The following CFAP54 variants were observed in gnomAD, a reference collection of about 807,000 sequenced individuals.
The protein encoded by CFAP54 is cilia and flagella associated protein 54.
Under a neutral mutation model 370.4 loss-of-function variants are expected in CFAP54, and 290 were observed. The observed-to-expected ratio is 0.78, with a 90% confidence interval of 0.71 to 0.86. The LOEUF (loss-of-function observed/expected upper bound fraction) is 0.86, where lower values mean the gene tolerates loss of function less well. Among genes scored for constraint, CFAP54 ranks in the 40% least tolerant of loss-of-function variants. CFAP54 has a pLI of 0.00. For synonymous variants in CFAP54, 1,206 were observed against 1,236.5 expected (o/e 0.98, Z 0.52); for missense variants, 3,399 against 3,528.7 (o/e 0.96, Z 0.93).
At chr12:96,514,922 C>T (rs1955213612) in intron 5 of CFAP54, among the ~76,000 whole-genome samples, 1 of 151,728 alleles carries the variant, frequency 6.6e-6, no homozygotes, top group Admixed American at 6.6e-5. Flanking sequence ...GCACAGGGTA[C>T]ATAAATTTTG....
At chr12:96,848,989 C>A (rs1229726898) in intron 66 of CFAP54, among the ~76,000 whole-genome samples, 2 of 152,126 alleles carry the variant, frequency 1.3e-5, no homozygotes, top group African/African-American at 4.8e-5. Flanking sequence ...ACAGTGAAAG[C>A]AAATATATCT....
intron 39 of CFAP54, among the ~76,000 whole-genome samples, chr12:96,664,622 ATGTGTG>A (rs55839375): frequency 0.31 from 35,703 of 113,920 alleles, 4,967 homozygotes; most frequent in Middle Eastern, 0.35. Context: ...CCAAGAACGT[ATGTGTG>A]TGTGTGTGTG....
chr12:96,802,848 G>T (rs1214984888), intron 63 of CFAP54, among the ~76,000 whole-genome samples: 2 of 151,938 alleles, frequency 1.3e-5, no homozygotes. Flanking sequence ...CCACCGACAG[G>T]CCCCAGTGTG....
intron 17 of CFAP54, among the ~76,000 whole-genome samples, chr12:96,561,031 A>G (rs1592851611): frequency 6.6e-6 from 1 of 152,242 alleles, no homozygotes; most frequent in East Asian, 1.9e-4. Flanking sequence ...TTTTAAAGTC[A>G]CTTGCCATCA....
chr12:96,601,401 A>G lies in CFAP54; in HGVS notation c.3639+2634A>G, dbSNP rs116647792. 3.0e-3 allele frequency among the ~76,000 whole-genome samples: 460 copies of G among 152,336 alleles called. 4 individuals are homozygous for G. Among genetic ancestry groups the G allele is most frequent in the African/African-American group, 0.01 (421 of 41,576 alleles). Reference sequence around the variant, plus strand: ...TTTCACATCGATGTTCATCAGGGATAATGGCCTGAAATTCTCTTTTTTGTT... The same window carrying G: ...TTTCACATCGATGTTCATCAGGGATGATGGCCTGAAATTCTCTTTTTTGTT... On this transcript the variant is annotated intron_variant, in intron 26 of 67. Transcript: ENST00000524981.
chr12:96,664,706 T>G (rs868557649), intron 39 of CFAP54, among the ~76,000 whole-genome samples: 1 of 5,626 alleles, frequency 1.8e-4, no homozygotes, highest in African/African-American at 6.0e-4. Context: ...TCTATATATA[T>G]ATATATATCT....
rs745596792 is a variant in CFAP54, at chr12:96,644,194, GT to G, written c.4335del (p.Arg1446GlyfsTer8). Reference protein sequence around the residue: ...VAHERNRRTSVRKAAQRYLMD... With the variant: ...VAHERNRRTSXRKAAQRYLMD... ...CCTTGGCAGAAATAGGAGAACCAGT[GT>G]TAGGAAAGCAGCACAACGATACCTG... On this transcript the variant is annotated frameshift_variant, in exon 33 of 68. Coordinates refer to ENST00000524981, the MANE Select transcript of CFAP54 (RefSeq NM_001306084.2). LOFTEE classifies it high-confidence loss of function. 36 of 1,534,910 alleles carry G rather than the reference GT, an allele frequency of 2.3e-5. No homozygotes were observed. Among genetic ancestry groups the G allele is most frequent in the Non-Finnish European group, 3.1e-5 (36 of 1,146,024 alleles).
chr12:96,509,194 G>A (rs1480143512), intron 4 of CFAP54, among the ~76,000 whole-genome samples: 1 of 152,142 alleles, frequency 6.6e-6, no homozygotes, highest in Admixed American at 6.5e-5. Context: ...AAAAGTCAAA[G>A]CCAGAAGGGG....
intron 32 of CFAP54, among the ~76,000 whole-genome samples, chr12:96,636,153 A>G (rs766236939): frequency 6.6e-6 from 1 of 152,134 alleles, no homozygotes; most frequent in Non-Finnish European, 1.5e-5. Flanking sequence ...TGAGTAACAC[A>G]TTTCTTTCAC....
intron 23 of CFAP54, 54 bp downstream of exon 23, chr12:96,589,617 C>A: frequency 1.8e-6 from 2 of 1,121,444 alleles, no homozygotes; most frequent in South Asian, 1.5e-5. Flanking sequence ...AATATAGATG[C>A]TGGATGCGAA....
chr12:96,831,139 T>A (rs1565995678), intron 66 of CFAP54, among the ~76,000 whole-genome samples: 1 of 152,224 alleles, frequency 6.6e-6, no homozygotes. Flanking sequence ...ATTCATTTAG[T>A]CAGCTGACAG....
At chr12:96,497,929 G>A (rs1468594383) in intron 1 of CFAP54, among the ~76,000 whole-genome samples, 1 of 152,192 alleles carries the variant, frequency 6.6e-6, no homozygotes, top group Non-Finnish European at 1.5e-5. Flanking sequence ...CTCTGTAACT[G>A]AGTAGCTTTC....
rs759208110 is a variant in CFAP54 at position 96,708,682 on chromosome 12, G to A, written c.6603G>A (p.Lys2201=). 6.2e-7 allele frequency: 1 copy of A among 1,612,270 alleles called. No homozygotes were observed. Among genetic ancestry groups the A allele is most frequent in the Non-Finnish European group, 8.5e-7 (1 of 1,179,478 alleles). ...VTIGQPHLLN[K]FNFVKAYFFL... is the part of the protein sequence containing the mutation. ...TTGGCCAACCACATCTCTTAAATAA[G>A]TTTAATTTTGTTAAAGCATACTTTT... is the stretch of plus-strand genomic sequence containing the variant. The change falls in exon 48 of 68, where the codon AAG becomes AAA. Residue 2201 remains lysine, a synonymous_variant. Transcript: ENST00000524981.
At chr12:96,637,386 T>C (rs1479002582) in intron 32 of CFAP54, among the ~76,000 whole-genome samples, 1 of 152,210 alleles carries the variant, frequency 6.6e-6, no homozygotes, top group Non-Finnish European at 1.5e-5. Flanking sequence ...TTTAGACATA[T>C]TTTCATTTCT....
At chr12:96,807,667 A>G (rs942545025) in intron 63 of CFAP54, among the ~76,000 whole-genome samples, 2 of 152,254 alleles carry the variant, frequency 1.3e-5, no homozygotes, top group Middle Eastern at 3.4e-3. Flanking sequence ...TGGCCCCTTG[A>G]AGACTGAAAA....
At chr12:96,832,067 G>C (rs1281643398) in intron 66 of CFAP54, among the ~76,000 whole-genome samples, 1 of 152,114 alleles carries the variant, frequency 6.6e-6, no homozygotes, top group African/African-American at 2.4e-5. Flanking sequence ...CATAGGGGCA[G>C]TTCTTTCCCA....
At position 96,743,788 on chromosome 12, in the gene CFAP54, C is replaced by G; in HGVS notation, c.7435C>G (p.Leu2479Val). The G allele has an allele frequency of 1.9e-6, 3 of 1,613,844 alleles. No homozygotes were observed. The highest frequency in any genetic ancestry group is 2.5e-6 in the Non-Finnish European group (3 of 1,179,846). ...EFISPQSRLTLARSLVLLDDL... is the reference protein window; with the variant it reads ...EFISPQSRLTVARSLVLLDDL... ...TATTTCTCCTCAATCACGGCTAACCCTGGCAAGAAGCCTAGTTTTGCTGGA... is the reference window on the plus strand; with the variant it reads ...TATTTCTCCTCAATCACGGCTAACCGTGGCAAGAAGCCTAGTTTTGCTGGA... Residue 2479 changes from leucine (L) to valine (V), a missense_variant, in exon 54 of 68, where the codon CTG (leucine) becomes GTG (valine). By Grantham distance (32) the Leu-to-Val change is conservative. Coordinates refer to ENST00000524981, the MANE Select transcript of CFAP54 (RefSeq NM_001306084.2).
chr12:96,708,179 G>A (rs1037719188), intron 47 of CFAP54, among the ~76,000 whole-genome samples: 12 of 152,088 alleles, frequency 7.9e-5, no homozygotes, highest in Non-Finnish European at 1.5e-4. Flanking sequence ...ATGATTGACG[G>A]TGGACTCTAA....
intron 66 of CFAP54, among the ~76,000 whole-genome samples, chr12:96,835,884 G>A (rs1253359334): frequency 6.6e-6 from 1 of 152,194 alleles, no homozygotes; most frequent in Non-Finnish European, 1.5e-5. Context: ...GATGGCAGTG[G>A]TAGGCGATCT....
Sources: gnomAD v4.1 joint callset for allele counts (sites outside exome capture counted in the v4.1 genomes callset) on GRCh38, gnomAD v4.1.1 for gene constraint, MANE v1.5 for transcripts, NCBI Gene and HGNC (gene_info 2026-07-23, HGNC 2026-07-21) for gene names.